Variants in LIMA1 observed in about 807,000 individuals in gnomAD.
The protein encoded by LIMA1 is LIM domain and actin-binding protein 1.
In LIMA1, 52 loss-of-function variants were observed where a neutral mutation model predicts 62.6. The ratio of observed to expected loss-of-function variants is 0.83; its 90% CI spans 0.67 to 1.05. LIMA1 has a LOEUF of 1.05. Ranked by LOEUF, LIMA1 falls within the 50% of genes least tolerant of loss-of-function variation. LIMA1 has a pLI of 0.00. For missense variants in LIMA1, 780 were observed against 902.2 expected (o/e 0.86, Z 1.74); for synonymous variants, 302 against 317.8 (o/e 0.95, Z 0.53).
At chr12:50,230,892 T>C (rs1040119227) in intron 3 of LIMA1, among the ~76,000 whole-genome samples, 2 of 152,210 alleles carry the variant, frequency 1.3e-5, no homozygotes, top group Non-Finnish European at 1.5e-5. Flanking sequence ...TTTCTTATAA[T>C]GCACCAGAGG....
intron 2 of LIMA1, among the ~76,000 whole-genome samples, chr12:50,233,350 C>G (rs146630376): frequency 3.3e-5 from 5 of 149,874 alleles, no homozygotes; most frequent in Admixed American, 3.3e-4. Context: ...TAAGTCCATA[C>G]AGCAATGCAT....
intron 1 of LIMA1, among the ~76,000 whole-genome samples, chr12:50,265,007 G>A (rs951907291): frequency 7.2e-5 from 11 of 151,974 alleles, no homozygotes; most frequent in African/African-American, 2.7e-4. Flanking sequence ...TTAATAATTA[G>A]CCGGGTGTGG....
intron 8 of LIMA1, among the ~76,000 whole-genome samples, chr12:50,194,396 A>G (rs979742160): frequency 3.9e-5 from 6 of 152,028 alleles, no homozygotes; most frequent in African/African-American, 1.5e-4. Flanking sequence ...TCCTGGGTTC[A>G]AGCAATTCTC....
At chr12:50,202,955 T>C (rs908500751) in intron 6 of LIMA1, among the ~76,000 whole-genome samples, 2 of 152,078 alleles carry the variant, frequency 1.3e-5, no homozygotes, top group Non-Finnish European at 2.9e-5. Flanking sequence ...CATTTGTATC[T>C]ATGTGTGTGT....
chr12:50,181,435 G>A (rs1285532313), intron 10 of LIMA1, among the ~76,000 whole-genome samples: 1 of 152,100 alleles, frequency 6.6e-6, no homozygotes, highest in Non-Finnish European at 1.5e-5. Flanking sequence ...TGAGTTACTT[G>A]GAAGAAATGA....
intron 7 of LIMA1, among the ~76,000 whole-genome samples, chr12:50,199,174 A>G (rs971242428): frequency 3.3e-5 from 5 of 152,180 alleles, no homozygotes; most frequent in African/African-American, 1.2e-4. Flanking sequence ...TACTAAAAAT[A>G]CAAACAATTA....
chr12:50,259,223 G>A (rs1028647981), intron 1 of LIMA1, among the ~76,000 whole-genome samples: 4 of 152,104 alleles, frequency 2.6e-5, no homozygotes, highest in African/African-American at 9.7e-5. Context: ...AGACTCAAGT[G>A]AAAGAACACA....
At chr12:50,279,007 T>C (rs1177780366) in intron 1 of LIMA1, among the ~76,000 whole-genome samples, 1 of 95,846 alleles carries the variant, frequency 1.0e-5, no homozygotes, top group Non-Finnish European at 1.9e-5. Flanking sequence ...TTTCTTTTCT[T>C]TTCTTTTTTT....
chr12:50,192,975 ACT>A (rs1262527365), intron 8 of LIMA1, among the ~76,000 whole-genome samples: 20 of 130,858 alleles, frequency 1.5e-4, no homozygotes, highest in Non-Finnish European at 2.0e-4. Flanking sequence ...GAAATTTTGT[ACT>A]CTGTGTGTGT....
At chr12:50,200,619 T>A (rs963646782) in intron 7 of LIMA1, among the ~76,000 whole-genome samples, 158 bp downstream of exon 7, 6 of 152,250 alleles carry the variant, frequency 3.9e-5, no homozygotes, top group African/African-American at 1.4e-4. Flanking sequence ...GCTACTCAAC[T>A]GAAATTATGT....
At chr12:50,179,093 A>G (rs898254759) in intron 10 of LIMA1, among the ~76,000 whole-genome samples, 1 of 151,578 alleles carries the variant, frequency 6.6e-6, no homozygotes, top group Non-Finnish European at 1.5e-5. Context: ...CTCCTGCCTC[A>G]GCCTCCTGAG....
intron 3 of LIMA1, 150 bp downstream of exon 3, chr12:50,231,515 G>A (rs1941610828): frequency 1.3e-6 from 1 of 761,062 alleles, no homozygotes; most frequent in African/African-American, 1.8e-5. Flanking sequence ...AAGCCAAGTT[G>A]TCCTGAGCAA....
At chr12:50,265,246 G>A (rs1942124660) in intron 1 of LIMA1, among the ~76,000 whole-genome samples, 1 of 152,014 alleles carries the variant, frequency 6.6e-6, no homozygotes, top group South Asian at 2.1e-4. Context: ...GGCTGGCCAG[G>A]GTGGTGGCTC....
intron 4 of LIMA1, among the ~76,000 whole-genome samples, chr12:50,217,260 T>C (rs1941359262): frequency 6.6e-6 from 1 of 152,082 alleles, no homozygotes; most frequent in African/African-American, 2.4e-5. Context: ...AACAGGTGTA[T>C]TCCCTTCAGA....
chr12:50,277,110 T>C (rs1179515349), intron 1 of LIMA1, among the ~76,000 whole-genome samples: 2 of 152,124 alleles, frequency 1.3e-5, no homozygotes. Context: ...TTGTAGATAA[T>C]CGAGTTTTGT....
intron 1 of LIMA1, among the ~76,000 whole-genome samples, chr12:50,273,146 A>G (rs1322736918): frequency 4.0e-5 from 6 of 151,136 alleles, no homozygotes; most frequent in Admixed American, 2.6e-4. Flanking sequence ...GTAGAGACGG[A>G]GTTTTGCCAT....
At chr12:50,252,363 T>C (rs533153955) in intron 1 of LIMA1, among the ~76,000 whole-genome samples, 2 of 152,100 alleles carry the variant, frequency 1.3e-5, no homozygotes, top group East Asian at 3.9e-4. Flanking sequence ...GCGGATCACC[T>C]GAGGTCAGGA....
At chr12:50,242,836 G>T (rs1314722196) in intron 2 of LIMA1, among the ~76,000 whole-genome samples, 15 of 152,184 alleles carry the variant, frequency 9.9e-5, no homozygotes, top group Admixed American at 9.8e-4. Context: ...TCTGGGCCTG[G>T]GATCTGGGCT....
chr12:50,250,290 C>CA (rs11327744), intron 1 of LIMA1, among the ~76,000 whole-genome samples: 1,846 of 63,524 alleles, frequency 0.029, 24 homozygotes, highest in African/African-American at 0.055. Context: ...AACTCCGTTT[C>CA]AAAAAAAAAA....
Sources: allele counts gnomAD v4.1 joint callset (sites outside exome capture counted in the v4.1 genomes callset), GRCh38; gene constraint gnomAD v4.1.1; transcripts MANE v1.5; gene names NCBI Gene and HGNC (gene_info 2026-07-23, HGNC 2026-07-21).